The following MAF variants were observed in gnomAD, a reference collection of about 807,000 sequenced individuals.
MAF encodes MAF bZIP transcription factor.
MAF carries 10 observed loss-of-function variants against 22.0 expected under a neutral mutation model. The observed-to-expected ratio is 0.45, with a 90% CI of 0.28 to 0.77. The LOEUF (loss-of-function observed/expected upper bound fraction) is 0.77. Ranked by LOEUF, MAF falls within the 30% of genes least tolerant of loss-of-function variation. The probability of loss-of-function intolerance (pLI) is 0.12; values close to 1 mark genes in which losing one functional copy is unlikely to be tolerated. For synonymous variants in MAF, 337 were observed against 255.8 expected (o/e 1.32, Z -3.03); for missense variants, 544 against 548.4 (o/e 0.99, Z 0.08).
At chr16:79,380,506 T>C in the MAF span, among the ~76,000 whole-genome samples, 3 of 152,314 alleles carry the variant, frequency 2.0e-5, no homozygotes, top group Admixed American at 2.0e-4. Flanking sequence ...CTCAGAAGGA[T>C]TAAGTAATTT....
chr16:79,600,472 C>T lies in MAF; in HGVS notation c.-570G>A, dbSNP rs549474265. On this transcript the variant is annotated 5_prime_UTR_variant, in exon 1 of 2. Transcript: ENST00000326043. ...GCTTCTCGCCTCCTCTTCTGCTTGG[C>T]TCTCTTTATTATTTTTTTTCTTTCC... 7 of 196,084 alleles carry T rather than the reference C, an allele frequency of 3.6e-5. No homozygotes were observed. Among genetic ancestry groups the T allele is most frequent in the African/African-American group, 7.1e-5 (3 of 42,266 alleles). The allele number at this position is 196,084 out of a possible 1,614,324, so 12.1% of individuals were successfully genotyped here. A position where few individuals can be genotyped will look rare whatever the true frequency, so the allele number is the denominator to read the frequency against.
At chr16:79,312,558 C>T in the MAF span, among the ~76,000 whole-genome samples, 1 of 152,188 alleles carries the variant, frequency 6.6e-6, no homozygotes, top group African/African-American at 2.4e-5. Context: ...TTTCCACGAG[C>T]CAGAGCAGAG....
the MAF span, among the ~76,000 whole-genome samples, chr16:79,509,247 A>C: frequency 0.042 from 6,466 of 152,208 alleles, 448 homozygotes; most frequent in African/African-American, 0.14. Flanking sequence ...CTTCTCTTTG[A>C]AAAGGAGAAG....
At chr16:79,229,595 C>G in the MAF span, 1 of 152,088 alleles carries the variant, frequency 6.6e-6, no homozygotes, top group Admixed American at 6.6e-5. Flanking sequence ...CGTTCGGTAA[C>G]TCCATCCATC....
the MAF span, among the ~76,000 whole-genome samples, chr16:79,338,948 T>A: frequency 3.3e-5 from 5 of 152,246 alleles, no homozygotes; most frequent in Non-Finnish European, 5.9e-5. Flanking sequence ...GACACATTCA[T>A]CAGTCCTCTT....
chr16:79,593,089 C>A (rs1597839791), downstream of MAF, among the ~76,000 whole-genome samples: 1 of 151,964 alleles, frequency 6.6e-6, no homozygotes, highest in African/African-American at 2.4e-5. Flanking sequence ...CAGAAAAAAA[C>A]AAACAAACAA....
the MAF span, among the ~76,000 whole-genome samples, chr16:79,520,137 C>T: frequency 6.6e-6 from 1 of 152,186 alleles, no homozygotes; most frequent in Non-Finnish European, 1.5e-5. Context: ...TCAGCAGGCG[C>T]CTGCTAACTC....
chr16:79,327,279 AC>A, the MAF span, among the ~76,000 whole-genome samples: 2 of 152,036 alleles, frequency 1.3e-5, no homozygotes, highest in Non-Finnish European at 2.9e-5. Flanking sequence ...GCTTGGCACA[AC>A]CCCTGACTTC....
At chr16:79,338,705 C>G in the MAF span, among the ~76,000 whole-genome samples, 1 of 152,230 alleles carries the variant, frequency 6.6e-6, no homozygotes, top group East Asian at 1.9e-4. Flanking sequence ...AGGGAAGATA[C>G]AGGCTTTATA....
the MAF span, among the ~76,000 whole-genome samples, chr16:79,545,616 A>G: frequency 6.6e-6 from 1 of 151,578 alleles, no homozygotes; most frequent in Non-Finnish European, 1.5e-5. Context: ...CCACCCCCCC[A>G]CAGAGGCATC....
chr16:79,435,624 C>T, the MAF span, among the ~76,000 whole-genome samples: 1 of 152,282 alleles, frequency 6.6e-6, no homozygotes, highest in African/African-American at 2.4e-5. Flanking sequence ...GGTCACACAG[C>T]TGGCCAGTGG....
At chr16:79,423,778 A>G in the MAF span, among the ~76,000 whole-genome samples, 10 of 152,172 alleles carry the variant, frequency 6.6e-5, no homozygotes, top group African/African-American at 2.4e-4. Context: ...AACTGTATTG[A>G]GTTTGAATTT....
At chr16:79,368,182 A>C in the MAF span, among the ~76,000 whole-genome samples, 3 of 152,184 alleles carry the variant, frequency 2.0e-5, no homozygotes, top group African/African-American at 7.2e-5. Context: ...TTGGAGGGCC[A>C]GGCTAGTTTT....
At chr16:79,361,183 A>G in the MAF span, among the ~76,000 whole-genome samples, 1 of 152,172 alleles carries the variant, frequency 6.6e-6, no homozygotes, top group Non-Finnish European at 1.5e-5. Context: ...TTTCTGGTGG[A>G]GTTGACACCA....
chr16:79,462,747 C>T, the MAF span, among the ~76,000 whole-genome samples: 1 of 152,182 alleles, frequency 6.6e-6, no homozygotes, highest in Non-Finnish European at 1.5e-5. Context: ...GGCCTTTGGA[C>T]CTATACCTAC....
chr16:79,462,474 CA>C, the MAF span, among the ~76,000 whole-genome samples: 1 of 152,100 alleles, frequency 6.6e-6, no homozygotes, highest in Non-Finnish European at 1.5e-5. Flanking sequence ...CTTCTTACCC[CA>C]CCTAACAATT....
chr16:79,404,171 T>C, the MAF span, among the ~76,000 whole-genome samples: 6,629 of 150,368 alleles, frequency 0.044, 340 homozygotes, highest in African/African-American at 0.12. Flanking sequence ...TTTCTTTTTT[T>C]TTTTTTTTTT....
At chr16:79,410,170 G>T in the MAF span, among the ~76,000 whole-genome samples, 1 of 152,144 alleles carries the variant, frequency 6.6e-6, no homozygotes, top group Non-Finnish European at 1.5e-5. Flanking sequence ...AACCAATCCA[G>T]CCGTTCCGTA....
chr16:79,237,958 T>A, the MAF span, among the ~76,000 whole-genome samples: 1 of 152,080 alleles, frequency 6.6e-6, no homozygotes, highest in Non-Finnish European at 1.5e-5. Context: ...CAGCAACTCG[T>A]CTTAGACGGG....
Sources: gnomAD v4.1 joint callset for allele counts (sites outside exome capture counted in the v4.1 genomes callset) on GRCh38, gnomAD v4.1.1 for gene constraint, MANE v1.5 for transcripts, NCBI Gene and HGNC (gene_info 2026-07-23, HGNC 2026-07-21) for gene names.